The following CAPS2 variants were observed in gnomAD, a reference collection of about 807,000 sequenced individuals.
The protein encoded by CAPS2 is calcyphosine 2.
A neutral mutation model predicts 86.5 loss-of-function variants in CAPS2; 98 were observed. The ratio of observed to expected loss-of-function variants is 1.13; its 90% CI spans 0.96 to 1.34. CAPS2 has a LOEUF of 1.34. CAPS2 is among the 40% of genes most tolerant of loss of function. The probability of loss-of-function intolerance (pLI) is 0.00; values close to 1 mark genes in which losing one functional copy is unlikely to be tolerated. For missense variants in CAPS2, 729 were observed against 686.8 expected (o/e 1.06, Z -0.69); for synonymous variants, 210 against 225.1 (o/e 0.93, Z 0.60).
At chr12:75,325,811 G>C (rs556398518) in intron 1 of CAPS2, among the ~76,000 whole-genome samples, 6 of 151,968 alleles carry the variant, frequency 3.9e-5, no homozygotes, top group South Asian at 2.1e-4. Context: ...AGTGTGAGGG[G>C]GGGTAGGGCC....
At chr12:75,330,590 ATATAT>A (rs1302728968), upstream of CAPS2, among the ~76,000 whole-genome samples, 1 of 152,314 alleles carries the variant, frequency 6.6e-6, no homozygotes, top group East Asian at 1.9e-4. Flanking sequence ...AAAGACTGTA[ATATAT>A]TATATAGAGA....
At chr12:75,309,751 ATCT>A (rs1335451025) in intron 7 of CAPS2, among the ~76,000 whole-genome samples, 1 of 152,238 alleles carries the variant, frequency 6.6e-6, no homozygotes, top group Non-Finnish European at 1.5e-5. Context: ...TAGGAACTAA[ATCT>A]TCTTTTTAAA....
intron 1 of CAPS2, among the ~76,000 whole-genome samples, chr12:75,353,928 T>C (rs2042975198): frequency 6.6e-6 from 1 of 152,118 alleles, no homozygotes; most frequent in South Asian, 2.1e-4. Context: ...AGGCCTTCAA[T>C]AAAATTCATC....
At chr12:75,288,954 G>C (rs1398816014) in intron 14 of CAPS2, among the ~76,000 whole-genome samples, 1 of 152,160 alleles carries the variant, frequency 6.6e-6, no homozygotes. Flanking sequence ...TTAGACAGAA[G>C]TGTCAGGGTA....
chr12:75,319,818 T>C (rs1423044617), intron 5 of CAPS2, among the ~76,000 whole-genome samples: 1 of 152,202 alleles, frequency 6.6e-6, no homozygotes, highest in Non-Finnish European at 1.5e-5. Flanking sequence ...ATATTTCTGA[T>C]ATCAGGGATG....
At chr12:75,334,723 C>T (rs369697893), upstream of CAPS2, 13 of 1,611,448 alleles carry the variant, frequency 8.1e-6, no homozygotes, top group Non-Finnish European at 1.1e-5. Flanking sequence ...TCCTCCACAT[C>T]CTTCCATGGC....
At chr12:75,357,384 T>C (rs534853377) in intron 1 of CAPS2, among the ~76,000 whole-genome samples, 18 of 152,134 alleles carry the variant, frequency 1.2e-4, no homozygotes, top group Non-Finnish European at 2.4e-4. Flanking sequence ...CCAATATTAC[T>C]GTAAAGAGAA....
intron 1 of CAPS2, among the ~76,000 whole-genome samples, chr12:75,355,195 C>T (rs564297050): frequency 1.1e-4 from 17 of 152,130 alleles, no homozygotes; most frequent in South Asian, 2.1e-4. Context: ...AACAAGCAAC[C>T]TACAGAGTGG....
chr12:75,340,041 G>GAA (rs2041997846), intron 1 of CAPS2, among the ~76,000 whole-genome samples: 1 of 151,734 alleles, frequency 6.6e-6, no homozygotes, highest in Non-Finnish European at 1.5e-5. Context: ...TTAGAATAAT[G>GAA]GTCTCCAACT....
upstream of CAPS2, among the ~76,000 whole-genome samples, chr12:75,333,433 TACACACACACATATACAC>T (rs1052400343): frequency 6.6e-6 from 1 of 151,734 alleles, no homozygotes; most frequent in African/African-American, 2.4e-5. Flanking sequence ...TCTGTATACC[TACACACACACATATACAC>T]ACACACACAC....
chr12:75,276,984 C>A, downstream of CAPS2: 1 of 984,132 alleles, frequency 1.0e-6, no homozygotes, highest in Non-Finnish European at 1.2e-6. Context: ...CACTAAATAA[C>A]AGATTTTACT....
chr12:75,328,588 T>A (rs191127951), upstream of CAPS2, among the ~76,000 whole-genome samples: 55 of 152,330 alleles, frequency 3.6e-4, no homozygotes, highest in South Asian at 3.1e-3. Context: ...AATTAATGTA[T>A]AGCAAAATAC....
At chr12:75,368,555 C>G (rs777650595) in intron 1 of CAPS2, among the ~76,000 whole-genome samples, 7 of 151,602 alleles carry the variant, frequency 4.6e-5, no homozygotes, top group Admixed American at 2.0e-4. Flanking sequence ...CCAATTTGGT[C>G]ATGAGGTTTC....
chr12:75,347,797 A>G (rs2139399306), intron 1 of CAPS2: 3 of 827,208 alleles, frequency 3.6e-6, no homozygotes, highest in Middle Eastern at 2.5e-4. Flanking sequence ...AGGACCTTAT[A>G]CTAGACACAA....
At chr12:75,309,206 A>C (rs1348800339) in intron 7 of CAPS2, among the ~76,000 whole-genome samples, 2 of 152,106 alleles carry the variant, frequency 1.3e-5, no homozygotes, top group Non-Finnish European at 2.9e-5. Flanking sequence ...AGAGAAGAAA[A>C]CAAAAAAAAC....
chr12:75,295,965 A>G (rs2036804236), intron 11 of CAPS2, among the ~76,000 whole-genome samples: 1 of 152,208 alleles, frequency 6.6e-6, no homozygotes, highest in Admixed American at 6.5e-5. Flanking sequence ...AGAAAAGAAG[A>G]TATAAAAAGG....
At chr12:75,354,490 A>G (rs1653575777) in intron 1 of CAPS2, among the ~76,000 whole-genome samples, 1 of 152,230 alleles carries the variant, frequency 6.6e-6, no homozygotes, top group Admixed American at 6.5e-5. Context: ...GAAGGCACAA[A>G]CAAATGAAAA....
chr12:75,347,613 T>C (rs1033372635), intron 1 of CAPS2: 1 of 1,580,188 alleles, frequency 6.3e-7, no homozygotes, highest in African/African-American at 1.3e-5. Context: ...ACATTCCTTT[T>C]CTTTATAGTT....
At chr12:75,350,390 A>G (rs1028853923) in intron 1 of CAPS2, among the ~76,000 whole-genome samples, 3 of 152,170 alleles carry the variant, frequency 2.0e-5, no homozygotes, top group African/African-American at 7.2e-5. Context: ...ATTTCCCCTG[A>G]CTGGGTGAGA....
Sources: allele counts gnomAD v4.1 joint callset (sites outside exome capture counted in the v4.1 genomes callset), GRCh38; gene constraint gnomAD v4.1.1; transcripts MANE v1.5; gene names NCBI Gene and HGNC (gene_info 2026-07-23, HGNC 2026-07-21).